Variants in PIGN observed in about 807,000 individuals in gnomAD.
PIGN encodes phosphatidylinositol glycan anchor biosynthesis class N, also known as GPI ethanolamine phosphate transferase 1.
A neutral mutation model predicts 125.4 loss-of-function variants in PIGN; 117 were observed. The observed-to-expected ratio is 0.93, with a 90% confidence interval of 0.80 to 1.09. PIGN has a LOEUF of 1.09. Ranked by LOEUF, PIGN falls within the 50% of genes least tolerant of loss-of-function variation. The pLI, the probability that PIGN is intolerant of heterozygous loss-of-function variation, is 0.00. For missense variants in PIGN, 1,075 were observed against 1,094.9 expected (o/e 0.98, Z 0.26); for synonymous variants, 392 against 377.8 (o/e 1.04, Z -0.44).
chr18:62,051,841 T>A (rs1345876318), intron 30 of PIGN: 2 of 152,170 alleles, frequency 1.3e-5, no homozygotes, highest in Non-Finnish European at 2.9e-5. Flanking sequence ...GGGCATTTAG[T>A]GCTATAAATT....
intron 16 of PIGN, among the ~76,000 whole-genome samples, chr18:62,112,351 C>T (rs1270278038): frequency 1.3e-5 from 2 of 152,056 alleles, no homozygotes; most frequent in Admixed American, 6.6e-5. Flanking sequence ...AAATACACCA[C>T]CAGGATATAT....
At chr18:62,099,481 A>T (rs1161499634) in intron 22 of PIGN, among the ~76,000 whole-genome samples, 1 of 149,774 alleles carries the variant, frequency 6.7e-6, no homozygotes, top group Non-Finnish European at 1.5e-5. Context: ...AAGACTCTGA[A>T]TAGCCAAAGC....
intron 30 of PIGN, among the ~76,000 whole-genome samples, chr18:62,049,101 A>G (rs1309785134): frequency 3.3e-5 from 5 of 151,174 alleles, no homozygotes; most frequent in Non-Finnish European, 5.9e-5. Context: ...CCAGTCTATC[A>G]TTGTTGGACA....
At chr18:62,101,253 G>A in intron 21 of PIGN, 70 bp from the exon 22 acceptor site, 1 of 831,600 alleles carries the variant, frequency 1.2e-6, no homozygotes, top group South Asian at 1.5e-5. Flanking sequence ...AAGAATGTAA[G>A]ACATTCTTAT....
intron 30 of PIGN, chr18:62,070,397 G>A (rs1048394450): frequency 2.3e-5 from 9 of 398,376 alleles, no homozygotes; most frequent in Middle Eastern, 1.2e-3. Context: ...TACCAAGCAC[G>A]TATGGCATGT....
chr18:62,168,141 G>A (rs1336933613), intron 1 of PIGN, among the ~76,000 whole-genome samples: 1 of 151,482 alleles, frequency 6.6e-6, no homozygotes, highest in African/African-American at 2.4e-5. Context: ...CCAAGATTGC[G>A]CCATTGCACT....
intron 1 of PIGN, among the ~76,000 whole-genome samples, chr18:62,169,488 C>T (rs1020032154): frequency 6.6e-6 from 1 of 151,744 alleles, no homozygotes; most frequent in Admixed American, 6.6e-5. Flanking sequence ...TTTTTTGAAA[C>T]TCCTGGGCTC....
At chr18:62,094,280 T>C (rs1464183672) in intron 23 of PIGN, among the ~76,000 whole-genome samples, 1 of 152,182 alleles carries the variant, frequency 6.6e-6, no homozygotes, top group Non-Finnish European at 1.5e-5. Flanking sequence ...TTGTTTACAT[T>C]TTTAATCAAC....
At chr18:62,072,561 A>T in intron 30 of PIGN, 112 bp downstream of exon 30, 3 of 802,728 alleles carry the variant, frequency 3.7e-6, no homozygotes, top group African/African-American at 1.7e-5. Context: ...TACACCATCT[A>T]GGTTTGTGTG....
intron 23 of PIGN, among the ~76,000 whole-genome samples, chr18:62,091,203 C>CT (rs2033941635): frequency 1.3e-5 from 2 of 152,084 alleles, no homozygotes; most frequent in African/African-American, 4.8e-5. Flanking sequence ...AAAAAATTAG[C>CT]CGGGTGTGGT....
intron 30 of PIGN, among the ~76,000 whole-genome samples, chr18:62,071,877 T>C (rs1313985731): frequency 6.1e-5 from 4 of 66,010 alleles, no homozygotes; most frequent in Non-Finnish European, 1.1e-4. Flanking sequence ...TATATATATA[T>C]ATATATATAT....
intron 12 of PIGN, 106 bp from the exon 13 acceptor site, chr18:62,139,181 T>C (rs921229071): frequency 1.8e-6 from 1 of 546,250 alleles, no homozygotes; most frequent in Non-Finnish European, 3.3e-6. Context: ...TATGGACAAA[T>C]AAATAATTGA....
rs2030383070 is a variant in PIGN, at chr18:62,041,646, TG to T, written c.*4209del. 3.9e-4 allele frequency: 36 copies of T among 92,238 alleles called. No homozygotes were observed. The highest frequency in any genetic ancestry group is 1.3e-3 in the African/African-American group (32 of 25,020). 5.7% of individuals were successfully genotyped at this position (92,238 alleles called of 1,614,324 possible). On this transcript the variant is annotated 3_prime_UTR_variant, in exon 31 of 31. Transcript: ENST00000640252. The stretch of plus-strand genomic sequence containing the variant: ...GGAGCCTACCACCCCGCCGGGTGTG[TG>T]TGTGTGTGTGTGTGTGTGTGTGTGT...
intron 29 of PIGN, among the ~76,000 whole-genome samples, chr18:62,074,291 C>A (rs1272275810): frequency 6.6e-6 from 1 of 152,220 alleles, no homozygotes; most frequent in Non-Finnish European, 1.5e-5. Flanking sequence ...ATAGGTTCCT[C>A]TTTTTGTTAA....
intron 30 of PIGN, among the ~76,000 whole-genome samples, chr18:62,060,205 G>A (rs1016154972): frequency 2.6e-5 from 4 of 152,190 alleles, no homozygotes; most frequent in South Asian, 2.1e-4. Flanking sequence ...AGAGTTAAAG[G>A]AACATCAAAT....
chr18:62,078,779 C>A (rs973371716), intron 28 of PIGN, among the ~76,000 whole-genome samples: 5 of 152,132 alleles, frequency 3.3e-5, no homozygotes, highest in African/African-American at 9.7e-5. Flanking sequence ...CCTTTTTATT[C>A]AAGAGATAAA....
chr18:62,074,772 G>A lies in PIGN; in HGVS notation c.2619+7C>T. The A allele has an allele frequency of 1.9e-6, 3 of 1,585,818 alleles. No individual in the cohort carries two copies. Among genetic ancestry groups the A allele is most frequent in the South Asian group, 2.2e-5 (2 of 89,686 alleles). On this transcript the variant is annotated splice_region_variant and intron_variant, in intron 29 of 30. Coordinates refer to ENST00000640252, the MANE Select transcript of PIGN (RefSeq NM_176787.5). Reference sequence around the variant, plus strand: ...TAATTTATATGGACTACCCAGTAATGCCTTACCAAAGCCATAATGTCTGAT... The same window carrying A: ...TAATTTATATGGACTACCCAGTAATACCTTACCAAAGCCATAATGTCTGAT...
At chr18:62,161,529 C>T in intron 3 of PIGN, 144 bp from the exon 4 acceptor site, 1 of 522,576 alleles carries the variant, frequency 1.9e-6, no homozygotes, top group East Asian at 3.0e-5. Flanking sequence ...GTGGTGGTAA[C>T]AATAAGCACT....
At chr18:62,072,020 T>C (rs1436399330) in intron 30 of PIGN, among the ~76,000 whole-genome samples, 1 of 148,646 alleles carries the variant, frequency 6.7e-6, no homozygotes, top group Non-Finnish European at 1.5e-5. Context: ...CACCTTCCAG[T>C]GGGACAAGAT....
Sources: allele counts gnomAD v4.1 joint callset (sites outside exome capture counted in the v4.1 genomes callset), GRCh38; gene constraint gnomAD v4.1.1; transcripts MANE v1.5; gene names NCBI Gene and HGNC (gene_info 2026-07-23, HGNC 2026-07-21).